CFAP44: variants seen among roughly 807,000 people sequenced by gnomAD.
CFAP44 encodes cilia- and flagella-associated protein 44.
CFAP44 carries 134 observed loss-of-function variants against 216.2 expected under a neutral mutation model. The ratio of observed to expected loss-of-function variants is 0.62; its 90% CI spans 0.54 to 0.72. The LOEUF (loss-of-function observed/expected upper bound fraction) is 0.72. Ranked by LOEUF, CFAP44 falls within the 30% of genes least tolerant of loss-of-function variation. CFAP44 has a pLI of 0.00. For synonymous variants in CFAP44, 700 were observed against 727.6 expected, an observed-to-expected ratio of 0.96 and a Z score of 0.61; for missense variants, 2,035 against 2,182.1, an observed-to-expected ratio of 0.93 and a Z score of 1.34.
At chr3:113,371,793 C>T (rs1254290863) in intron 18 of CFAP44, among the ~76,000 whole-genome samples, 6 of 152,136 alleles carry the variant, frequency 3.9e-5, no homozygotes, top group Non-Finnish European at 5.9e-5. Flanking sequence ...AACAGGCAAC[C>T]TACAGAATGG....
rs985459497 is a variant in CFAP44, at chr3:113,308,100, C to T, written c.4627+58G>A. On this transcript the variant is annotated intron_variant, in intron 29 of 34. Coordinates refer to ENST00000393845, the MANE Select transcript of CFAP44 (RefSeq NM_001164496.2). ...ACAGAGAAACCAAAAAGGGTCTTCC[C>T]AGTATTGCCAATCAATATTCACACT... 4 of 1,341,460 alleles carry T rather than the reference C, an allele frequency of 3.0e-6. No homozygotes were observed. The African/African-American group carries it at 5.9e-5, about 20-fold the overall frequency. The allele number at this position is 1,341,460 out of a possible 1,614,324, so 83.1% of individuals were successfully genotyped here. A position where few individuals can be genotyped will look rare whatever the true frequency, so the allele number is the denominator to read the frequency against.
chr3:113,332,053 G>C (rs1950245327), intron 25 of CFAP44, among the ~76,000 whole-genome samples: 1 of 152,168 alleles, frequency 6.6e-6, no homozygotes, highest in Admixed American at 6.5e-5. Context: ...CTGACTTGTA[G>C]AAAAAGGTGT....
chr3:113,371,608 A>G (rs575279950), intron 18 of CFAP44, among the ~76,000 whole-genome samples: 150 of 152,362 alleles, frequency 9.8e-4, no homozygotes, highest in African/African-American at 3.2e-3. Flanking sequence ...TAAATGTAAG[A>G]CCTAAAGCCA....
At chr3:113,308,733 G>A (rs563612821) in intron 28 of CFAP44, among the ~76,000 whole-genome samples, 2 of 152,200 alleles carry the variant, frequency 1.3e-5, no homozygotes, top group East Asian at 3.9e-4. Flanking sequence ...TGGAATTACA[G>A]GCACACACCA....
intron 12 of CFAP44, 60 bp downstream of exon 12, chr3:113,400,485 T>A: frequency 7.1e-7 from 1 of 1,407,894 alleles, no homozygotes; most frequent in Non-Finnish European, 9.5e-7. Flanking sequence ...CATATAAAAA[T>A]TTTATTGCAA....
chr3:113,340,788 G>C lies in CFAP44; in HGVS notation c.3437+956C>G, dbSNP rs145768933. On this transcript the variant is annotated intron_variant, in intron 24 of 34. Transcript: ENST00000393845. ...GACCCCCTTCCTTATCACAAGGACA[G>C]AGGGATTTCTGTATCCCGGGGTTTC... 2.1e-3 allele frequency among the ~76,000 whole-genome samples: 318 copies of C among 152,364 alleles called. 10 individuals are homozygous for C. The East Asian group carries it at 0.055, about 26-fold the overall frequency.
intron 16 of CFAP44, 56 bp downstream of exon 16, chr3:113,380,843 T>G: frequency 7.2e-7 from 1 of 1,385,948 alleles, no homozygotes; most frequent in Non-Finnish European, 9.6e-7. Flanking sequence ...ATAGGATATT[T>G]TATATTCTAA....
At chr3:113,333,995 C>T (rs1007522665) in intron 24 of CFAP44, among the ~76,000 whole-genome samples, 1 of 151,188 alleles carries the variant, frequency 6.6e-6, no homozygotes, top group Non-Finnish European at 1.5e-5. Context: ...ACTGTGTTGC[C>T]TGGCTGGAGT....
Position 113,336,634 on chromosome 3 carries a change from A to G in CFAP44, c.3438-3051T>C, listed in dbSNP as rs1485700304. 2.0e-5 allele frequency among the ~76,000 whole-genome samples: 3 copies of G among 152,080 alleles called. No homozygotes were observed. In the East Asian group the frequency reaches 5.8e-4, roughly 29 times the overall value. The stretch of plus-strand genomic sequence containing the variant: ...CAAATTCCTTAGTAAAGCAGAAGAA[A>G]GAAAACAGAAATCCAAAAAATAGAA... On this transcript the variant is annotated intron_variant, in intron 24 of 34. Coordinates refer to ENST00000393845, the MANE Select transcript of CFAP44 (RefSeq NM_001164496.2).
chr3:113,300,024 C>A (rs141151774), intron 32 of CFAP44, among the ~76,000 whole-genome samples: 3 of 152,312 alleles, frequency 2.0e-5, no homozygotes, highest in African/African-American at 7.2e-5. Context: ...GAGTGAGACC[C>A]TGTCTCAAAG....
Position 113,291,426 on chromosome 3 carries a change from G to T in CFAP44, c.*131C>A. ...AGAGAGATTCTTAAAGTGACTTAAC[G>T]TGACTGGATCTGGTTTTACACTTTC... On this transcript the variant is annotated 3_prime_UTR_variant, in exon 35 of 35. Transcript: ENST00000393845. The T allele has an allele frequency of 9.4e-7, 1 of 1,060,782 alleles. No homozygotes were observed. The highest frequency in any genetic ancestry group is 1.7e-5 in the South Asian group (1 of 59,966). 65.7% of individuals were successfully genotyped at this position (1,060,782 alleles called of 1,614,324 possible). A position where few individuals can be genotyped will look rare whatever the true frequency, so the allele number is the denominator to read the frequency against.
At chr3:113,403,726 G>T in intron 9 of CFAP44, 126 bp downstream of exon 9, 1 of 1,000,568 alleles carries the variant, frequency 1.0e-6, no homozygotes, top group Non-Finnish European at 1.4e-6. Flanking sequence ...TTTAAAGTGA[G>T]TTGGCCTTGG....
chr3:113,332,847 T>A (rs1268056033), intron 25 of CFAP44, among the ~76,000 whole-genome samples: 1 of 152,140 alleles, frequency 6.6e-6, no homozygotes, highest in East Asian at 1.9e-4. Context: ...TCTTTGGTGG[T>A]CCATGGCAAC....
intron 22 of CFAP44, among the ~76,000 whole-genome samples, chr3:113,353,754 G>C (rs1950467449): frequency 6.7e-6 from 1 of 149,414 alleles, no homozygotes; most frequent in South Asian, 2.1e-4. Context: ...GAGGGAGAGA[G>C]AGAACCAGAG....
intron 6 of CFAP44, among the ~76,000 whole-genome samples, chr3:113,411,313 A>G (rs146398752): frequency 0.029 from 4,355 of 152,142 alleles, 107 homozygotes; most frequent in East Asian, 0.1. Context: ...ATCTTGAATT[A>G]ATTTTTGTAT....
intron 6 of CFAP44, among the ~76,000 whole-genome samples, chr3:113,411,729 G>A (rs1196086521): frequency 6.6e-6 from 1 of 152,158 alleles, no homozygotes; most frequent in East Asian, 1.9e-4. Flanking sequence ...AAATTACCTT[G>A]GGCAGTATGG....
intron 8 of CFAP44, among the ~76,000 whole-genome samples, chr3:113,406,281 A>T (rs1934275720): frequency 6.6e-6 from 1 of 152,242 alleles, no homozygotes; most frequent in Non-Finnish European, 1.5e-5. Flanking sequence ...ATAACCTTTG[A>T]CCCAATAAGT....
chr3:113,405,182 T>C (rs1487313144), intron 8 of CFAP44, among the ~76,000 whole-genome samples: 2 of 152,202 alleles, frequency 1.3e-5, no homozygotes, highest in East Asian at 3.9e-4. Flanking sequence ...TATTCAGTCC[T>C]TTATCTCTTG....
intron 21 of CFAP44, 142 bp downstream of exon 21, chr3:113,363,003 A>C (rs1049694976): frequency 5.8e-6 from 8 of 1,382,294 alleles, no homozygotes; most frequent in Non-Finnish European, 7.5e-6. Context: ...AAAGATGCCC[A>C]AAATAAATGG....
Sources: gnomAD v4.1 joint callset for allele counts (sites outside exome capture counted in the v4.1 genomes callset) on GRCh38, gnomAD v4.1.1 for gene constraint, MANE v1.5 for transcripts, NCBI Gene and HGNC (gene_info 2026-07-23, HGNC 2026-07-21) for gene names.